EIF3E: variants seen among roughly 807,000 people sequenced by gnomAD.
EIF3E encodes the protein eIF-3 p48.
A neutral mutation model predicts 59.3 loss-of-function variants in EIF3E; 25 were observed. That is an observed-to-expected ratio of 0.42 (90% CI 0.31 to 0.59). The LOEUF (loss-of-function observed/expected upper bound fraction) is 0.59. Among genes scored for constraint, EIF3E ranks in the 20% least tolerant of loss-of-function variants. The probability of loss-of-function intolerance (pLI) is 0.15; values close to 1 mark genes in which losing one functional copy is unlikely to be tolerated. For missense variants in EIF3E, 317 were observed against 534.3 expected, an observed-to-expected ratio of 0.59 and a Z score of 4.01; for synonymous variants, 176 against 170.2, an observed-to-expected ratio of 1.03 and a Z score of -0.26.
intron 3 of EIF3E, among the ~76,000 whole-genome samples, chr8:108,237,144 T>G (rs1815748653): frequency 6.6e-6 from 1 of 152,250 alleles, no homozygotes; most frequent in South Asian, 2.1e-4. Context: ...AAATTAGCTT[T>G]GCATTATCTT....
chr8:108,242,921 T>A, intron 1 of EIF3E: 1 of 153,696 alleles, frequency 6.5e-6, no homozygotes, highest in Non-Finnish European at 1.4e-5. Flanking sequence ...CTGGCAGGAA[T>A]ACAACTACTT....
chr8:108,234,349 T>C (rs1014204072), intron 5 of EIF3E: 2 of 152,210 alleles, frequency 1.3e-5, no homozygotes, highest in Non-Finnish European at 2.9e-5. Flanking sequence ...TGATTTTTAA[T>C]TTGGCTTCAC....
intron 2 of EIF3E, among the ~76,000 whole-genome samples, chr8:108,241,225 A>C (rs573391776): frequency 2.6e-5 from 4 of 152,290 alleles, no homozygotes; most frequent in Non-Finnish European, 5.9e-5. Flanking sequence ...CTACTGCCAA[A>C]ATTCTTGGAA....
At chr8:108,228,532 G>A (rs1025180132) in intron 6 of EIF3E, 141 bp from the exon 7 acceptor site, 13 of 533,842 alleles carry the variant, frequency 2.4e-5, no homozygotes, top group Middle Eastern at 5.5e-4. Flanking sequence ...ATCAATGTCC[G>A]ACCCCCTATG....
At chr8:108,245,724 A>G (rs1471213589) in intron 1 of EIF3E, among the ~76,000 whole-genome samples, 8 of 152,238 alleles carry the variant, frequency 5.3e-5, no homozygotes, top group Admixed American at 3.3e-4. Context: ...ACATGAAAAT[A>G]AAGAAGAGTG....
At chr8:108,217,014 C>T (rs635219) in intron 8 of EIF3E, among the ~76,000 whole-genome samples, 79,458 of 151,932 alleles carry the variant, frequency 0.52, 21,142 homozygotes, top group African/African-American at 0.65. Flanking sequence ...TGTAGAATTA[C>T]ACAGGTAATG....
At chr8:108,228,757 A>G (rs1268209555) in intron 6 of EIF3E, among the ~76,000 whole-genome samples, 1 of 152,196 alleles carries the variant, frequency 6.6e-6, no homozygotes, top group East Asian at 1.9e-4. Flanking sequence ...TGTCTTCTGC[A>G]TAGGACTTTC....
At chr8:108,248,170 T>A (rs1815984678) in intron 1 of EIF3E, among the ~76,000 whole-genome samples, 1 of 152,094 alleles carries the variant, frequency 6.6e-6, no homozygotes, top group Non-Finnish European at 1.5e-5. Context: ...TGTAAGAGAA[T>A]CACTCCAAAA....
intron 3 of EIF3E, among the ~76,000 whole-genome samples, chr8:108,236,747 C>T (rs1436788820): frequency 2.0e-5 from 3 of 152,108 alleles, no homozygotes; most frequent in East Asian, 1.9e-4. Context: ...CCTGGCCGGC[C>T]GCAGTGACTG....
At chr8:108,228,189 A>G in intron 7 of EIF3E, 78 bp downstream of exon 7, 2 of 1,396,016 alleles carry the variant, frequency 1.4e-6, no homozygotes. Flanking sequence ...AATGATAGAA[A>G]AAAGTATATT....
At chr8:108,243,420 G>C (rs1475783210) in intron 1 of EIF3E, 1 of 151,962 alleles carries the variant, frequency 6.6e-6, no homozygotes, top group African/African-American at 2.4e-5. Flanking sequence ...ACGAGGTCAG[G>C]AGATCGAGAC....
intron 1 of EIF3E, among the ~76,000 whole-genome samples, chr8:108,244,800 ACT>A (rs988935493): frequency 1.3e-5 from 2 of 152,010 alleles, no homozygotes; most frequent in African/African-American, 4.8e-5. Flanking sequence ...TCAATCACTA[ACT>A]CTGGAAAAAA....
chr8:108,234,983 T>G lies in EIF3E; in HGVS notation c.471+15A>C, dbSNP rs917538313. 3 of 1,256,442 alleles carry G rather than the reference T, an allele frequency of 2.4e-6. No individual in the cohort carries two copies. The highest frequency in any genetic ancestry group is 1.6e-5 in the African/African-American group (1 of 62,822). The allele number at this position is 1,256,442 out of a possible 1,614,324, so 77.8% of individuals were successfully genotyped here. A position where few individuals can be genotyped will look rare whatever the true frequency, so the allele number is the denominator to read the frequency against. Reference sequence around the variant, plus strand: ...GACAAAAAAAAAAAAAAAAAAAACATGTACTTATACTTACCAGCACTCTAA... The same window carrying G: ...GACAAAAAAAAAAAAAAAAAAAACAGGTACTTATACTTACCAGCACTCTAA... On this transcript the variant is annotated intron_variant, in intron 5 of 12. Transcript: ENST00000220849.
intron 1 of EIF3E, among the ~76,000 whole-genome samples, chr8:108,247,507 G>A (rs924839408): frequency 1.1e-4 from 16 of 152,178 alleles, no homozygotes; most frequent in Non-Finnish European, 1.6e-4. Context: ...GATCTTAGCC[G>A]TTACCTAACG....
intron 2 of EIF3E, 59 bp downstream of exon 2, chr8:108,241,740 C>T (rs1056097726): frequency 1.9e-6 from 2 of 1,046,706 alleles, no homozygotes; most frequent in Non-Finnish European, 2.7e-6. Flanking sequence ...AATCATAAAA[C>T]TTTAATACAC....
At chr8:108,235,571 C>T (rs1392357209) in intron 4 of EIF3E, among the ~76,000 whole-genome samples, 3 of 152,186 alleles carry the variant, frequency 2.0e-5, no homozygotes, top group Non-Finnish European at 4.4e-5. Flanking sequence ...TGGTCCATGA[C>T]CTGGGAGTTG....
chr8:108,233,666 A>G, intron 5 of EIF3E: 1 of 411,334 alleles, frequency 2.4e-6, no homozygotes, highest in Non-Finnish European at 4.9e-6. Context: ...ACATAGCAAG[A>G]CTCCATCTTG....
intron 10 of EIF3E, among the ~76,000 whole-genome samples, chr8:108,211,314 T>C (rs1385743218): frequency 3.3e-5 from 5 of 152,198 alleles, no homozygotes; most frequent in African/African-American, 1.2e-4. Flanking sequence ...TGGTATCTCA[T>C]TGTGGTTTTG....
intron 5 of EIF3E, among the ~76,000 whole-genome samples, chr8:108,230,937 T>G (rs1395916640): frequency 6.6e-6 from 1 of 152,062 alleles, no homozygotes; most frequent in Non-Finnish European, 1.5e-5. Flanking sequence ...ATCATTCCAC[T>G]TACATACATA....
Sources: gnomAD v4.1 joint callset for allele counts (sites outside exome capture counted in the v4.1 genomes callset) on GRCh38, gnomAD v4.1.1 for gene constraint, MANE v1.5 for transcripts, NCBI Gene and HGNC (gene_info 2026-07-23, HGNC 2026-07-21) for gene names.